Variants in ITGA10 observed in about 807,000 individuals in gnomAD.
The protein encoded by ITGA10 is integrin subunit alpha 10, also known as integrin alpha-10.
In ITGA10, 105 loss-of-function variants were observed where a neutral mutation model predicts 145.2. The observed-to-expected ratio is 0.72, with a 90% CI of 0.62 to 0.85. ITGA10 has a LOEUF of 0.85. Ranked by LOEUF, ITGA10 falls within the 40% of genes least tolerant of loss-of-function variation. ITGA10 has a pLI of 0.00. For missense variants in ITGA10, 1,317 were observed against 1,444.5 expected (o/e 0.91, Z 1.43); for synonymous variants, 506 against 557.8 (o/e 0.91, Z 1.31).
At chr1:145,896,217 G>A (rs1655374397) in intron 24 of ITGA10, 51 bp downstream of exon 24, 2 of 1,519,126 alleles carry the variant, frequency 1.3e-6, no homozygotes, top group African/African-American at 2.7e-5. Context: ...TTCCCACAAA[G>A]CTGTTGTTCC....
chr1:145,906,341 C>T (rs587744630), intron 5 of ITGA10, 53 bp downstream of exon 5: 2 of 1,390,618 alleles, frequency 1.4e-6, no homozygotes, highest in Non-Finnish European at 2.0e-6. Context: ...CCATCTTTTT[C>T]CCACCCAGTA....
intron 5 of ITGA10, chr1:145,906,110 G>A (rs1657103713): frequency 1.0e-5 from 3 of 294,528 alleles, no homozygotes; most frequent in African/African-American, 4.4e-5. Flanking sequence ...TTTTTTTTTA[G>A]TAGAGATGGA....
intron 17 of ITGA10, 44 bp downstream of exon 17, chr1:145,898,892 C>A (rs1553746437): frequency 6.3e-7 from 1 of 1,577,636 alleles, no homozygotes; most frequent in South Asian, 1.2e-5. Flanking sequence ...GCTTTCTCCT[C>A]ATTCTCAGGC....
chr1:145,893,097 A>G (rs1373005113), intron 29 of ITGA10, 64 bp downstream of exon 29: 2 of 1,255,268 alleles, frequency 1.6e-6, no homozygotes, highest in African/African-American at 1.5e-5. Flanking sequence ...TCTCTCTGCT[A>G]TAATCAAGGA....
chr1:145,901,260 T>G lies in ITGA10; in HGVS notation c.1462A>C (p.Ser488Arg). 6.2e-7 allele frequency: 1 copy of G among 1,614,120 alleles called. No individual in the cohort carries two copies. Among genetic ancestry groups the G allele is most frequent in the Non-Finnish European group, 8.5e-7 (1 of 1,180,008 alleles). The change falls in exon 13 of 30, where the codon AGT (serine) becomes CGT (arginine). Residue 488 changes from serine to arginine, a missense_variant. Coordinates refer to ENST00000369304, the MANE Select transcript of ITGA10 (RefSeq NM_003637.5). The surrounding 1 kb of genome is among the most constrained non-coding windows in gnomAD (Gnocchi z 4.3). ...TCTGTATCCAATGGGCAGAGCTCAC[T>G]GCCAAAGTATGAACCAATCTGGGGA... Reference protein sequence around the residue: ...QGEQIGSYFGSELCPLDTDRD... With the variant: ...QGEQIGSYFGRELCPLDTDRD...
intron 28 of ITGA10, 105 bp downstream of exon 28, chr1:145,893,435 G>A: frequency 1.0e-6 from 1 of 977,562 alleles, no homozygotes; most frequent in Non-Finnish European, 1.6e-6. Flanking sequence ...CTAGGATCCT[G>A]CTGCCTGATG....
chr1:145,902,987 G>A (rs782598219), intron 7 of ITGA10, 26 bp from the exon 8 acceptor site: 1 of 1,552,510 alleles, frequency 6.4e-7, no homozygotes, highest in South Asian at 1.2e-5. Flanking sequence ...AGTGAGGTGA[G>A]ATCAGATGTA....
intron 8 of ITGA10, 81 bp downstream of exon 8, chr1:145,902,730 A>G: frequency 1.3e-6 from 2 of 1,543,320 alleles, no homozygotes; most frequent in Non-Finnish European, 1.7e-6. Flanking sequence ...GTTTTCCTCA[A>G]GTTCCCAGTC....
At chr1:145,899,596 C>T (rs1316167526) in intron 15 of ITGA10, among the ~76,000 whole-genome samples, 1 of 151,982 alleles carries the variant, frequency 6.6e-6, no homozygotes, top group Non-Finnish European at 1.5e-5. Context: ...GCAACCTCTG[C>T]CTCCTGGGTT....
At chr1:145,899,942 T>C (rs587653685) in intron 15 of ITGA10, 115 bp downstream of exon 15, 27 of 1,028,628 alleles carry the variant, frequency 2.6e-5, no homozygotes, top group Admixed American at 1.9e-4. Flanking sequence ...AAACTAAGAA[T>C]GGAGGCACAG....
chr1:145,897,879 C>A lies in ITGA10; in HGVS notation c.2368G>T (p.Gly790Cys), dbSNP rs782741943. 2.2e-5 allele frequency: 36 copies of A among 1,613,930 alleles called. No homozygotes were observed. The highest frequency in any genetic ancestry group is 2.6e-5 in the Non-Finnish European group (31 of 1,179,946). The change falls in exon 19 of 30, where the codon GGC (glycine) becomes TGC (cysteine). Residue 790 changes from glycine (G) to cysteine (C), a missense_variant. Transcript: ENST00000369304. ...TCTGTGACACATTCATTGTCAGGGC[C>A]ACAATCCTTTGAGAAGGGGACCTGG... is the stretch of plus-strand genomic sequence containing the variant. ...QKLVPFSKDC[G>C]PDNECVTDLV...
chr1:145,905,732 A>G (rs1485003081), intron 5 of ITGA10: 3 of 152,128 alleles, frequency 2.0e-5, no homozygotes, highest in Non-Finnish European at 4.4e-5. Flanking sequence ...ATGCACCACC[A>G]TACCCAGCTA....
chr1:145,895,648 G>C lies in ITGA10; in HGVS notation c.3097C>G (p.Gln1033Glu), dbSNP rs1655282943. 6.2e-7 allele frequency: 1 copy of C among 1,614,054 alleles called. No individual in the cohort carries two copies. The highest frequency in any genetic ancestry group is 1.3e-5 in the African/African-American group (1 of 74,916). Residue 1033 changes from glutamine to glutamate, a missense_variant, in exon 26 of 30, where the codon CAA becomes GAA. Transcript: ENST00000369304. ...PGPPVHPEEL[Q>E]HTNRLNGSNT... ...ACTCATACCAGTCTGTTTGTGTGTTGAAGCTCCTCTGGATGCACAGGTGGG... is the reference window on the plus strand; with the variant it reads ...ACTCATACCAGTCTGTTTGTGTGTTCAAGCTCCTCTGGATGCACAGGTGGG...
intron 27 of ITGA10, 29 bp downstream of exon 27, chr1:145,895,251 T>C (rs1553744448): frequency 6.7e-7 from 1 of 1,481,958 alleles, no homozygotes; most frequent in South Asian, 1.2e-5. Context: ...GGAGCAGAAG[T>C]GGGGAGTACT....
chr1:145,904,888 T>C, intron 5 of ITGA10, 77 bp from the exon 6 acceptor site: 2 of 1,490,626 alleles, frequency 1.3e-6, no homozygotes, highest in Middle Eastern at 1.8e-4. Flanking sequence ...GGAGGACACA[T>C]TCAATTTAGA....
At chr1:145,893,371 A>G in intron 28 of ITGA10, 97 bp from the exon 29 acceptor site, 1 of 992,250 alleles carries the variant, frequency 1.0e-6, no homozygotes. Context: ...AGAATAAATA[A>G]CCTCCTGCTA....
Position 145,901,555 on chromosome 1 carries a change from A to G in ITGA10, c.1404T>C (p.Asp468=), listed in dbSNP as rs1553748486. ...GGCTCTGGGCAACCCTCACAGCCCC[A>G]TCTTTCTTAAGCTGGAAGGCGATGA... ...GKVIAFQLKK[D]GAVRVAQSLQ... is the part of the protein sequence containing the mutation. Residue 468 remains aspartate, a synonymous_variant, in exon 12 of 30, where the codon GAT becomes GAC. Coordinates refer to ENST00000369304, the MANE Select transcript of ITGA10 (RefSeq NM_003637.5). This position sits in a 1 kb window ranked among gnomAD's most constrained non-coding sequence, Gnocchi z 4.3. The G allele has an allele frequency of 1.2e-6, 2 of 1,603,580 alleles. No individual in the cohort carries two copies. Among genetic ancestry groups the G allele is most frequent in the African/African-American group, 2.7e-5 (2 of 74,438 alleles).
Position 145,897,337 on chromosome 1 carries a change from T to C in ITGA10, c.2577A>G (p.Arg859=), listed in dbSNP as rs1655562276. 1.2e-6 allele frequency: 2 copies of C among 1,613,938 alleles called. No individual in the cohort carries two copies. Among genetic ancestry groups the C allele is most frequent in the Non-Finnish European group, 1.7e-6 (2 of 1,179,920 alleles). ...CACATTCCACCTTTATTGGGCTCTC[T>C]CTCTGAGGGCAGGGGAATGGAGATA... is the stretch of plus-strand genomic sequence containing the variant. ...NLHLASLTPQ[R]ESPIKVECAA... is the part of the protein sequence containing the mutation. Residue 859 remains arginine (R), a splice_region_variant and synonymous_variant, in exon 21 of 30, where the codon AGA becomes AGG. Transcript: ENST00000369304.
At chr1:145,906,062 C>T in intron 5 of ITGA10, 1 of 264,288 alleles carries the variant, frequency 3.8e-6, no homozygotes, top group South Asian at 4.2e-5. Context: ...GATGAGATTA[C>T]AGGCATGCAC....
Sources: gnomAD v4.1 joint callset for allele counts (sites outside exome capture counted in the v4.1 genomes callset) on GRCh38, gnomAD v4.1.1 for gene constraint, Gnocchi (gnomAD v3.1) non-coding constraint, MANE v1.5 for transcripts, NCBI Gene and HGNC (gene_info 2026-07-23, HGNC 2026-07-21) for gene names.